Variants in ELN observed in about 807,000 individuals in gnomAD.
The protein encoded by ELN is tropoelastin.
In ELN, 65 loss-of-function variants were observed where a neutral mutation model predicts 105.8. That is an observed-to-expected ratio of 0.61 (90% CI 0.50 to 0.75). ELN has a LOEUF of 0.75. Among genes scored for constraint, ELN ranks in the 30% least tolerant of loss-of-function variants. The pLI, the probability that ELN is intolerant of heterozygous loss-of-function variation, is 0.00. For missense variants in ELN, 882 were observed against 969.4 expected (o/e 0.91, Z 1.20); for synonymous variants, 368 against 389.2 (o/e 0.95, Z 0.64).
At chr7:74,066,052 G>A in intron 31 of ELN, 55 bp downstream of exon 31, 2 of 1,610,696 alleles carry the variant, frequency 1.2e-6, no homozygotes, top group Non-Finnish European at 1.7e-6. Flanking sequence ...ATCTAGAGGG[G>A]GCCTGTCCAT....
intron 29 of ELN, among the ~76,000 whole-genome samples, chr7:74,064,560 G>A (rs782446863): frequency 5.3e-5 from 8 of 152,054 alleles, no homozygotes; most frequent in Non-Finnish European, 8.8e-5. Context: ...AAGTTGCAGT[G>A]AGCCAAGATC....
At chr7:74,047,487 G>C (rs1554673177) in intron 12 of ELN, among the ~76,000 whole-genome samples, 188 bp from the exon 13 acceptor site, 1 of 152,208 alleles carries the variant, frequency 6.6e-6, no homozygotes, top group East Asian at 1.9e-4. Flanking sequence ...GGTGTTCCAT[G>C]GGCCTCGGGG....
chr7:74,058,699 A>T (rs545320485), intron 22 of ELN, among the ~76,000 whole-genome samples: 1 of 152,218 alleles, frequency 6.6e-6, no homozygotes, highest in East Asian at 1.9e-4. Flanking sequence ...TTTGAGGGCC[A>T]CCCTGGCAGC....
In ELN at chr7:74,069,028, G is replaced by A; in HGVS notation, c.*328G>A. ...TACACGCTGGTGCTCTTATCTTCCTGGGGGGAGGGAGGAGGGAAGGGTGGC... is the reference window on the plus strand; with the variant it reads ...TACACGCTGGTGCTCTTATCTTCCTAGGGGGAGGGAGGAGGGAAGGGTGGC... On this transcript the variant is annotated 3_prime_UTR_variant, in exon 33 of 33. Coordinates refer to ENST00000252034, the MANE Select transcript of ELN (RefSeq NM_000501.4). The A allele has an allele frequency of 2.3e-6, 1 of 438,606 alleles. No homozygotes were observed. The highest frequency in any genetic ancestry group is 2.5e-5 in the South Asian group (1 of 40,644). The allele number at this position is 438,606 out of a possible 1,614,324, so 27.2% of individuals were successfully genotyped here.
chr7:74,052,269 G>T, intron 17 of ELN: 2 of 500,228 alleles, frequency 4.0e-6, no homozygotes, highest in South Asian at 4.3e-5. Flanking sequence ...AACTAAATGG[G>T]TGCCCAGTGG....
At position 74,063,470 on chromosome 7, in the gene ELN, C is replaced by T. The variant is rs1160641740; in HGVS notation, c.1918+101C>T. Reference sequence around the variant, plus strand: ...CACTGTAGACTCAGAGTCCCTGCCCCAGACACCTCCTGGCTCCACTGTGCC... The same window carrying T: ...CACTGTAGACTCAGAGTCCCTGCCCTAGACACCTCCTGGCTCCACTGTGCC... On this transcript the variant is annotated intron_variant, in intron 28 of 32. Coordinates refer to ENST00000252034, the MANE Select transcript of ELN (RefSeq NM_000501.4). The surrounding 1 kb of genome is among the most constrained non-coding windows in gnomAD (Gnocchi z 4.1). 1 of 1,593,466 alleles carries T rather than the reference C, an allele frequency of 6.3e-7. No homozygotes were observed. The highest frequency in any genetic ancestry group is 1.3e-5 in the African/African-American group (1 of 74,450).
At position 74,054,881 on chromosome 7, in the gene ELN, C is replaced by T. The variant is rs183359569; in HGVS notation, c.1150+112C>T. 2.1e-5 allele frequency: 25 copies of T among 1,187,780 alleles called. No individual in the cohort carries two copies. The Middle Eastern group carries it at 1.4e-3, about 65-fold the overall frequency. The allele number at this position is 1,187,780 out of a possible 1,614,324, so 73.6% of individuals were successfully genotyped here. The stretch of plus-strand genomic sequence containing the variant: ...AGGGAAGTGACTTGCCCAAGGTCAC[C>T]GAGCAAGTCACCAGCAGGCCTCAGG... On this transcript the variant is annotated intron_variant, in intron 19 of 32. Coordinates refer to ENST00000252034, the MANE Select transcript of ELN (RefSeq NM_000501.4).
rs1554669650 is a variant in ELN at position 74,043,000 on chromosome 7, T to C, written c.342T>C (p.Gly114=). ...GCTCTGCAGGCGCTGGGCTTGGTGG[T>C]GTCCCAGGAGTTGGTGGCTTAGGAG... is the stretch of plus-strand genomic sequence containing the variant. The part of the protein sequence containing the change: ...KAAKAGAGLG[G]VPGVGGLGVS... Residue 114 remains glycine (G), a synonymous_variant, in exon 7 of 33, where the codon GGT becomes GGC. Transcript: ENST00000252034. The C allele has an allele frequency of 1.2e-6, 2 of 1,614,176 alleles. No homozygotes were observed. The highest frequency in any genetic ancestry group is 1.7e-6 in the Non-Finnish European group (2 of 1,180,020).
chr7:74,050,352 T>C (rs1306061600), intron 15 of ELN, among the ~76,000 whole-genome samples: 6 of 151,414 alleles, frequency 4.0e-5, no homozygotes, highest in Admixed American at 2.0e-4. Flanking sequence ...CATTCATCCA[T>C]CCACTCATCC....
chr7:74,056,218 G>A (rs1356637432), intron 19 of ELN, 53 bp from the exon 20 acceptor site: 19 of 1,611,582 alleles, frequency 1.2e-5, no homozygotes, highest in East Asian at 2.2e-5. Flanking sequence ...CTCAGAGCCC[G>A]CCCAGCCTCT....
chr7:74,054,343 G>A (rs1794798031), intron 18 of ELN, among the ~76,000 whole-genome samples: 1 of 152,132 alleles, frequency 6.6e-6, no homozygotes, highest in African/African-American at 2.4e-5. Flanking sequence ...GGTGGTGGGT[G>A]CCTGTAATCC....
At chr7:74,031,295 G>C (rs1268277019) in intron 1 of ELN, among the ~76,000 whole-genome samples, 1 of 152,182 alleles carries the variant, frequency 6.6e-6, no homozygotes, top group African/African-American at 2.4e-5. Flanking sequence ...GGGCCAGTGA[G>C]AGCTTCTAGC....
At chr7:74,064,832 T>C (rs1206124560) in intron 29 of ELN, among the ~76,000 whole-genome samples, 2 of 152,144 alleles carry the variant, frequency 1.3e-5, no homozygotes, top group African/African-American at 4.8e-5. Flanking sequence ...TGGCCGACCT[T>C]GTGTGGCCAT....
intron 15 of ELN, among the ~76,000 whole-genome samples, chr7:74,049,959 A>G (rs1793593427): frequency 6.8e-6 from 1 of 146,710 alleles, no homozygotes; most frequent in African/African-American, 2.6e-5. Flanking sequence ...CCCTCCATCG[A>G]TTCTTCCATC....
At chr7:74,029,504 T>C (rs1690414313) in intron 1 of ELN, among the ~76,000 whole-genome samples, 1 of 150,954 alleles carries the variant, frequency 6.6e-6, no homozygotes, top group African/African-American at 2.4e-5. Context: ...TCGGGAGTCC[T>C]CCTTGCCATG....
In ELN at chr7:74,041,267, C is replaced by T. The variant is rs1554668357; in HGVS notation, c.232+16C>T. ...CTTGGGGCAGGTGAGTGCTGACACCCAAGAAAGATATCCCCTGTGGGGACC... is the reference window on the plus strand; with the variant it reads ...CTTGGGGCAGGTGAGTGCTGACACCTAAGAAAGATATCCCCTGTGGGGACC... On this transcript the variant is annotated intron_variant, in intron 5 of 32. Transcript: ENST00000252034. 2.5e-6 allele frequency: 4 copies of T among 1,613,854 alleles called. No homozygotes were observed. Among genetic ancestry groups the T allele is most frequent in the Non-Finnish European group, 3.4e-6 (4 of 1,179,820 alleles).
chr7:74,052,836 GGA>G (rs1210543269), intron 17 of ELN: 1,296 of 323,182 alleles, frequency 4.0e-3, no homozygotes, highest in South Asian at 5.8e-3. Flanking sequence ...AGGGAGGGAG[GGA>G]GAGAGAGAGA....
At chr7:74,049,722 CTCCATCCATTCTTCCCTCTA>C (rs1793479812) in intron 15 of ELN, among the ~76,000 whole-genome samples, 1 of 146,084 alleles carries the variant, frequency 6.8e-6, no homozygotes, top group Admixed American at 6.8e-5. Flanking sequence ...CAATTCTTCC[CTCCATCCATTCTTCCCTCTA>C]TCCATCCACT....
Position 74,063,200 on chromosome 7 carries a change from G to C in ELN, c.1834G>C (p.Val612Leu), listed in dbSNP as rs1479113617. The C allele has an allele frequency of 5.6e-6, 9 of 1,608,690 alleles. No individual in the cohort carries two copies. Among genetic ancestry groups the C allele is most frequent in the Non-Finnish European group, 7.6e-6 (9 of 1,178,596 alleles). ...VLGGLGALGG[V>L]GIPGGVVGAG... is the part of the protein sequence containing the mutation. The stretch of plus-strand genomic sequence containing the variant: ...TGGAGGGCTCGGGGCTCTCGGTGGA[G>C]TAGGCATCCCAGGCGGTGTGGTGGG... Residue 612 changes from valine to leucine, a missense_variant, in exon 27 of 33, where the codon GTA becomes CTA. Val to Leu is a conservative substitution (Grantham distance 32). Coordinates refer to ENST00000252034, the MANE Select transcript of ELN (RefSeq NM_000501.4). The surrounding 1 kb of genome is among the most constrained non-coding windows in gnomAD (Gnocchi z 4.1).
Sources: gnomAD v4.1 joint callset for allele counts (sites outside exome capture counted in the v4.1 genomes callset) on GRCh38, gnomAD v4.1.1 for gene constraint, Gnocchi (gnomAD v3.1) non-coding constraint, MANE v1.5 for transcripts, NCBI Gene and HGNC (gene_info 2026-07-23, HGNC 2026-07-21) for gene names.